The following PRRC2C variants were observed in gnomAD, a reference collection of about 807,000 sequenced individuals.
PRRC2C encodes proline rich coiled-coil 2C, also known as protein PRRC2C.
Under a neutral mutation model 317.2 loss-of-function variants are expected in PRRC2C, and 72 were observed. The ratio of observed to expected loss-of-function variants is 0.23; its 90% CI spans 0.19 to 0.28. PRRC2C has a LOEUF of 0.28. Among genes scored for constraint, PRRC2C ranks in the 10% least tolerant of loss-of-function variants. PRRC2C has a pLI of 1.00. For synonymous variants in PRRC2C, 1,296 were observed against 1,205.9 expected (o/e 1.07, Z -1.55); for missense variants, 3,074 against 3,459.7 (o/e 0.89, Z 2.80).
In PRRC2C at chr1:171,524,859, A is replaced by G; in HGVS notation, c.1094A>G (p.Asn365Ser). The G allele has an allele frequency of 6.3e-7, 1 of 1,593,018 alleles. No individual in the cohort carries two copies. The highest frequency in any genetic ancestry group is 8.6e-7 in the Non-Finnish European group (1 of 1,168,714). The change falls in exon 10 of 35, where the codon AAC (asparagine) becomes AGC (serine). Residue 365 changes from asparagine (N) to serine (S), a missense_variant. Transcript: ENST00000647382. Reference sequence around the variant, plus strand: ...TCAAAAGCCTCTGAAAACAACGAAAACAAAAAAGAAACAGATGAAGTTTCC... The same window carrying G: ...TCAAAAGCCTCTGAAAACAACGAAAGCAAAAAAGAAACAGATGAAGTTTCC... Reference protein sequence around the residue: ...QGSKASENNENKKETDEVSNT... With the variant: ...QGSKASENNESKKETDEVSNT...
At chr1:171,553,378 G>T (rs540933435) in intron 18 of PRRC2C, among the ~76,000 whole-genome samples, 1 of 151,618 alleles carries the variant, frequency 6.6e-6, no homozygotes, top group East Asian at 1.9e-4. Flanking sequence ...CTTGCTAGCG[G>T]TCTGTCAATT....
Position 171,523,213 on chromosome 1 carries a change from T to C in PRRC2C, c.834-8T>C, listed in dbSNP as rs753376985. 1.6e-5 allele frequency: 26 copies of C among 1,595,658 alleles called. No homozygotes were observed. The highest frequency in any genetic ancestry group is 2.2e-5 in the Non-Finnish European group (26 of 1,174,296). On this transcript the variant is annotated splice_polypyrimidine_tract_variant and splice_region_variant and intron_variant, in intron 7 of 34. Transcript: ENST00000647382. ...TTTGTATCTTTTCCATGACCTGCCT[T>C]TCATTAGAGGCCTTCGAGGAAGAGG...
intron 16 of PRRC2C, 127 bp downstream of exon 16, chr1:171,542,356 C>A: frequency 3.4e-6 from 3 of 887,158 alleles, no homozygotes; most frequent in African/African-American, 1.7e-5. Context: ...TTCCCAAATG[C>A]TTTATTCTCT....
intron 20 of PRRC2C, among the ~76,000 whole-genome samples, chr1:171,564,300 T>A (rs990759246): frequency 6.6e-6 from 1 of 152,230 alleles, no homozygotes; most frequent in Non-Finnish European, 1.5e-5. Flanking sequence ...CTTTGTGTTA[T>A]GTATATTTCA....
chr1:171,503,687 C>T (rs1669612583), intron 1 of PRRC2C, among the ~76,000 whole-genome samples: 1 of 151,854 alleles, frequency 6.6e-6, no homozygotes, highest in South Asian at 2.1e-4. Context: ...TTTGCATTTC[C>T]CAAATACAAA....
At chr1:171,568,417 A>C in intron 23 of PRRC2C, 78 bp downstream of exon 23, 1 of 1,519,516 alleles carries the variant, frequency 6.6e-7, no homozygotes, top group Non-Finnish European at 8.9e-7. Flanking sequence ...TTCATGTTTT[A>C]TTTACTGTAG....
chr1:171,556,095 C>G (rs1557992956), intron 18 of PRRC2C, among the ~76,000 whole-genome samples: 1 of 152,164 alleles, frequency 6.6e-6, no homozygotes, highest in Non-Finnish European at 1.5e-5. Context: ...TCAAGCTTCC[C>G]AGTTGCTTTG....
At chr1:171,537,866 C>T (rs1677130898) in intron 15 of PRRC2C, among the ~76,000 whole-genome samples, 1 of 152,046 alleles carries the variant, frequency 6.6e-6, no homozygotes, top group Admixed American at 6.6e-5. Flanking sequence ...CCACCACACC[C>T]CGCTAATCTT....
At chr1:171,493,675 T>G (rs1360912469) in intron 1 of PRRC2C, among the ~76,000 whole-genome samples, 3 of 151,922 alleles carry the variant, frequency 2.0e-5, no homozygotes, top group African/African-American at 7.3e-5. Flanking sequence ...CAAAAATTAG[T>G]CAGTTGTGGT....
chr1:171,571,817 GTTGT>G (rs1401986863), intron 24 of PRRC2C, among the ~76,000 whole-genome samples: 1 of 152,158 alleles, frequency 6.6e-6, no homozygotes, highest in Non-Finnish European at 1.5e-5. Context: ...TAGTAAGAAT[GTTGT>G]TTGTCTTCCC....
At chr1:171,559,509 G>GTTTTTTT (rs869093669) in intron 19 of PRRC2C, among the ~76,000 whole-genome samples, 1 of 33,796 alleles carries the variant, frequency 3.0e-5, no homozygotes, top group Non-Finnish European at 6.1e-5. Context: ...TACCAAGTTT[G>GTTTTTTT]TTTTTTTTTT....
At chr1:171,556,275 T>C (rs543105337) in intron 18 of PRRC2C, among the ~76,000 whole-genome samples, 12 of 152,316 alleles carry the variant, frequency 7.9e-5, no homozygotes, top group Non-Finnish European at 1.3e-4. Flanking sequence ...GCTAAGACCG[T>C]TGGAAAAGTG....
intron 1 of PRRC2C, among the ~76,000 whole-genome samples, chr1:171,495,647 A>G (rs1667959026): frequency 6.6e-6 from 1 of 152,210 alleles, no homozygotes; most frequent in South Asian, 2.1e-4. Flanking sequence ...TGAGGGAAGG[A>G]AGTGACTAAA....
At position 171,541,565 on chromosome 1, in the gene PRRC2C, T is replaced by G. The variant is rs1677959678; in HGVS notation, c.4099T>G (p.Leu1367Val). Residue 1367 changes from leucine (L) to valine (V), a missense_variant, in exon 16 of 35, where the codon TTA becomes GTA. Leu to Val is a conservative substitution (Grantham distance 32). This residue lies in a region of PRRC2C where 1,320 missense variants were observed against 1,395.7 expected (regional missense o/e 0.95). Transcript: ENST00000647382. The surrounding 1 kb of genome is among the most constrained non-coding windows in gnomAD (Gnocchi z 4.1). Reference sequence around the variant, plus strand: ...AGGCCGTCCATCACGCCCTTCCACTTTACGAAGACCAGCTTATCGGGACAA... The same window carrying G: ...AGGCCGTCCATCACGCCCTTCCACTGTACGAAGACCAGCTTATCGGGACAA... ...PGGRPSRPST[L>V]RRPAYRDNQW... 2 of 1,613,702 alleles carry G rather than the reference T, an allele frequency of 1.2e-6. No homozygotes were observed. Among genetic ancestry groups the G allele is most frequent in the Middle Eastern group, 3.3e-4 (2 of 6,062 alleles).
intron 18 of PRRC2C, 122 bp from the exon 19 acceptor site, chr1:171,557,118 G>A (rs1320874692): frequency 1.7e-5 from 25 of 1,438,498 alleles, no homozygotes; most frequent in African/African-American, 7.2e-5. Context: ...ACATTTTGTG[G>A]TTTGAGTACC....
intron 6 of PRRC2C, 72 bp downstream of exon 6, chr1:171,517,886 T>C (rs993558450): frequency 9.1e-6 from 12 of 1,318,780 alleles, no homozygotes; most frequent in South Asian, 4.0e-5. Flanking sequence ...CGAATTGTTA[T>C]AGGGAAAAGT....
chr1:171,518,327 T>C (rs1194384672), intron 6 of PRRC2C, among the ~76,000 whole-genome samples: 1 of 152,170 alleles, frequency 6.6e-6, no homozygotes, highest in East Asian at 1.9e-4. Flanking sequence ...TTTTACATTA[T>C]GCATTTAAAA....
At chr1:171,530,191 T>C (rs904623166) in intron 11 of PRRC2C, among the ~76,000 whole-genome samples, 1 of 151,162 alleles carries the variant, frequency 6.6e-6, no homozygotes, top group Non-Finnish European at 1.5e-5. Flanking sequence ...TGCAAAGATA[T>C]GTTACAGAAA....
At chr1:171,573,100 A>G (rs937130787) in intron 24 of PRRC2C, among the ~76,000 whole-genome samples, 9 of 152,232 alleles carry the variant, frequency 5.9e-5, no homozygotes, top group South Asian at 2.1e-4. Context: ...TCTAAAGTGT[A>G]TGAGAAAAAA....
Sources: gnomAD v4.1 joint callset for allele counts (sites outside exome capture counted in the v4.1 genomes callset) on GRCh38, gnomAD v4.1.1 for gene constraint, gnomAD v4.1.1 regional missense constraint, Gnocchi (gnomAD v3.1) non-coding constraint, MANE v1.5 for transcripts, NCBI Gene and HGNC (gene_info 2026-07-23, HGNC 2026-07-21) for gene names.